OBSL1: variants seen among roughly 807,000 people sequenced by gnomAD.
The protein encoded by OBSL1 is obscurin-like protein 1.
OBSL1 carries 160 observed loss-of-function variants against 172.0 expected under a neutral mutation model. The ratio of observed to expected loss-of-function variants is 0.93; its 90% CI spans 0.82 to 1.06. OBSL1 has a LOEUF of 1.06. Ranked by LOEUF, OBSL1 falls within the 50% of genes least tolerant of loss-of-function variation. The pLI, the probability that OBSL1 is intolerant of heterozygous loss-of-function variation, is 0.00. For synonymous variants in OBSL1, 1,200 were observed against 1,196.3 expected (o/e 1.00, Z -0.06); for missense variants, 2,681 against 2,715.4 (o/e 0.99, Z 0.28).
At chr2:219,564,492 T>C (rs1278100789) in intron 6 of OBSL1, among the ~76,000 whole-genome samples, 2 of 152,224 alleles carry the variant, frequency 1.3e-5, no homozygotes, top group Non-Finnish European at 2.9e-5. Context: ...TGAAAGAGTG[T>C]ATATTGAAAA....
intron 8 of OBSL1, among the ~76,000 whole-genome samples, chr2:219,561,166 C>T (rs140125321): frequency 0.017 from 2,577 of 152,150 alleles, 75 homozygotes; most frequent in African/African-American, 0.058. Context: ...GCAGGGGGGC[C>T]CTAAACAGCT....
At position 219,563,620 on chromosome 2, in the gene OBSL1, G is replaced by T. The variant is rs369506790; in HGVS notation, c.2415C>A (p.Pro805=). The T allele has an allele frequency of 6.2e-7, 1 of 1,610,798 alleles. No individual in the cohort carries two copies. Among genetic ancestry groups the T allele is most frequent in the African/African-American group, 1.3e-5 (1 of 74,678 alleles). Residue 805 remains proline, a synonymous_variant, in exon 7 of 21, where the codon CCC becomes CCA. Coordinates refer to ENST00000404537, the MANE Select transcript of OBSL1 (RefSeq NM_015311.3). ...AFFGVTVQDP[P]VHIVDPREHV... is the part of the protein sequence containing the mutation. ...GTTCTCGGGGGTCCACGATGTGCAC[G>T]GGAGGATCTGGGTGGGAAGCAGAGA...
At chr2:219,551,370 TG>T in intron 20 of OBSL1, 158 bp downstream of exon 20, 1 of 1,386,572 alleles carries the variant, frequency 7.2e-7, no homozygotes, top group Non-Finnish European at 9.5e-7. Context: ...TTTCCAGCCC[TG>T]GGTGTGCTCT....
intron 1 of OBSL1, among the ~76,000 whole-genome samples, chr2:219,569,647 T>C (rs977322348): frequency 3.3e-5 from 5 of 152,198 alleles, no homozygotes; most frequent in Non-Finnish European, 2.9e-5. Flanking sequence ...AGTCTAGCTT[T>C]CCACTGAATC....
rs748851909 is a variant in OBSL1 at position 219,562,484 on chromosome 2, C to A, written c.2871G>T (p.Leu957=). ...QKEDTVRRLV[L]PAVQLEDSGE... The stretch of plus-strand genomic sequence containing the variant: ...CGGAGTCCTCGAGCTGGACAGCGGG[C>A]AGCACCAGGCGGCGGACAGTGTCTT... Residue 957 remains leucine (L), a synonymous_variant, in exon 8 of 21, where the codon CTG becomes CTT. Coordinates refer to ENST00000404537, the MANE Select transcript of OBSL1 (RefSeq NM_015311.3). 10 of 1,613,910 alleles carry A rather than the reference C, an allele frequency of 6.2e-6. No individual in the cohort carries two copies. Among genetic ancestry groups the A allele is most frequent in the African/African-American group, 5.3e-5 (4 of 74,938 alleles).
At position 219,568,150 on chromosome 2, in the gene OBSL1, C is replaced by T. The variant is rs1559155800; in HGVS notation, c.1187G>A (p.Arg396His). 29 of 1,613,804 alleles carry T rather than the reference C, an allele frequency of 1.8e-5. No individual in the cohort carries two copies. Among genetic ancestry groups the T allele is most frequent in the African/African-American group, 2.7e-5 (2 of 75,044 alleles). The change falls in exon 2 of 21, where the codon CGC (arginine) becomes CAC (histidine). Residue 396 changes from arginine (R) to histidine (H), a missense_variant. By Grantham distance (29) the Arg-to-His change is conservative. Transcript: ENST00000404537. The surrounding 1 kb of genome is among the most constrained non-coding windows in gnomAD (Gnocchi z 4.1). ...YEQIEEGTVR[R>H]LIIHRLKADD... ...TGCCTTCAGCCTGTGGATGATGAGGCGCCGGACAGTGCCCTCTTCGATCTG... is the reference window on the plus strand; with the variant it reads ...TGCCTTCAGCCTGTGGATGATGAGGTGCCGGACAGTGCCCTCTTCGATCTG...
In OBSL1 at chr2:219,567,746, G is replaced by T; in HGVS notation, c.1506C>A (p.Ser502=). Residue 502 remains serine, a synonymous_variant, in exon 3 of 21, where the codon TCC becomes TCA. Transcript: ENST00000404537. The part of the protein sequence containing the change: ...AGEVTFSLGN[S]RTTTLLRVKC... ...TTACTCTGAGAAGCGTAGTGGTACGGGAGTTGCCCAGGCTAAAGGTGACCT... is the reference window on the plus strand; with the variant it reads ...TTACTCTGAGAAGCGTAGTGGTACGTGAGTTGCCCAGGCTAAAGGTGACCT... 1 of 1,613,200 alleles carries T rather than the reference G, an allele frequency of 6.2e-7. No homozygotes were observed. Among genetic ancestry groups the T allele is most frequent in the South Asian group, 1.1e-5 (1 of 91,072 alleles).
chr2:219,571,276 GGGGGGGTGCGGA>G lies in OBSL1; in HGVS notation c.-56_-45del. On this transcript the variant is annotated 5_prime_UTR_variant, in exon 1 of 21. Transcript: ENST00000404537. Reference sequence around the variant, plus strand: ...GCAGCGGCGAACGGTGGGGGGGCAGGGGGGGGTGCGGAGGGCGAGCCGAGGCCCGGGGCGGCG... The same window carrying G: ...GCAGCGGCGAACGGTGGGGGGGCAGGGGGCGAGCCGAGGCCCGGGGCGGCG... 2 of 1,084,728 alleles carry G rather than the reference GGGGGGGTGCGGA, an allele frequency of 1.8e-6. No individual in the cohort carries two copies. The highest frequency in any genetic ancestry group is 2.4e-6 in the Non-Finnish European group (2 of 849,864). The allele number at this position is 1,084,728 out of a possible 1,614,324, so 67.2% of individuals were successfully genotyped here.
chr2:219,560,768 A>G (rs1172073658), intron 8 of OBSL1, among the ~76,000 whole-genome samples: 1 of 152,198 alleles, frequency 6.6e-6, no homozygotes, highest in Non-Finnish European at 1.5e-5. Context: ...TGGGGGATGC[A>G]GGCTGGTCCT....
At chr2:219,553,897 T>G (rs1574523942) in intron 15 of OBSL1, among the ~76,000 whole-genome samples, 3 of 144,522 alleles carry the variant, frequency 2.1e-5, no homozygotes, top group African/African-American at 5.2e-5. Context: ...GGGTTAGGAG[T>G]GGCCAACTGG....
At chr2:219,549,284 G>C (rs1447298435), downstream of OBSL1, 2 of 1,613,906 alleles carry the variant, frequency 1.2e-6, no homozygotes, top group Admixed American at 3.3e-5. Context: ...CCCAGGCCTG[G>C]GCCACCAGAC....
At position 219,563,547 on chromosome 2, in the gene OBSL1, CA is replaced by C; in HGVS notation, c.2487del (p.Cys829TrpfsTer90). 1 of 1,613,962 alleles carries C rather than the reference CA, an allele frequency of 6.2e-7. No homozygotes were observed. The highest frequency in any genetic ancestry group is 8.5e-7 in the Non-Finnish European group (1 of 1,179,874). ...ACAGGGGCGTCCTCTCGGTCCACCT[CA>C]CAGGCCAGCATGACACACTCGGAAG... ...AITSECVMLA[C>X]EVDREDAPVR... On this transcript the variant is annotated frameshift_variant, in exon 7 of 21. Transcript: ENST00000404537. LOFTEE classifies it high-confidence loss of function.
intron 14 of OBSL1, 104 bp downstream of exon 14, chr2:219,555,916 C>G: frequency 6.6e-7 from 1 of 1,505,088 alleles, no homozygotes; most frequent in Non-Finnish European, 8.9e-7. Flanking sequence ...TGACTTTTCT[C>G]AGCGATGAGG....
intron 8 of OBSL1, 89 bp from the exon 9 acceptor site, chr2:219,559,586 A>C (rs1329975925): frequency 8.6e-7 from 1 of 1,162,866 alleles, no homozygotes; most frequent in Non-Finnish European, 1.2e-6. Context: ...TATCACCCAC[A>C]TAATAATGAG....
intron 5 of OBSL1, among the ~76,000 whole-genome samples, chr2:219,566,605 G>A (rs1294580921): frequency 6.6e-6 from 1 of 152,192 alleles, no homozygotes; most frequent in African/African-American, 2.4e-5. Context: ...AGAGAATTGG[G>A]ATATGATGCT....
rs763934908 is a variant in OBSL1 at position 219,568,094 on chromosome 2, G to C, written c.1243C>G (p.Arg415Gly). The C allele has an allele frequency of 3.1e-6, 5 of 1,612,354 alleles. No individual in the cohort carries two copies. Among genetic ancestry groups the C allele is most frequent in the South Asian group, 1.1e-5 (1 of 91,066 alleles). Residue 415 changes from arginine (R) to glycine (G), a missense_variant, in exon 2 of 21, where the codon CGG becomes GGG. This residue lies in a region of OBSL1 where 706 missense variants were observed against 695.8 expected (regional missense o/e 1.01). Coordinates refer to ENST00000404537, the MANE Select transcript of OBSL1 (RefSeq NM_015311.3). The surrounding 1 kb of genome is among the most constrained non-coding windows in gnomAD (Gnocchi z 4.1). ...TTGGCCACGGTGCGCACCCGGCCCCGCATCTCGCACAGGTAGATACCATCA... is the reference window on the plus strand; with the variant it reads ...TTGGCCACGGTGCGCACCCGGCCCCCCATCTCGCACAGGTAGATACCATCA... Reference protein sequence around the residue: ...DDDGIYLCEMRGRVRTVANVT... With the variant: ...DDDGIYLCEMGGRVRTVANVT...
At position 219,567,865 on chromosome 2, in the gene OBSL1, G is replaced by C. The variant is rs750434162; in HGVS notation, c.1387C>G (p.Arg463Gly). 6.2e-7 allele frequency: 1 copy of C among 1,613,878 alleles called. No individual in the cohort carries two copies. The highest frequency in any genetic ancestry group is 8.5e-7 in the Non-Finnish European group (1 of 1,179,896). ...LEAGVEGRWSRDGEELPVICQ... is the reference protein window; with the variant it reads ...LEAGVEGRWSGDGEELPVICQ... ...ATGACCGGCAGCTCCTCCCCATCAC[G>C]GCTCCAGCGTCCCTCGACCCCGGCC... Residue 463 changes from arginine to glycine, a missense_variant, in exon 3 of 21, where the codon CGT (arginine) becomes GGT (glycine). By Grantham distance (125) the Arg-to-Gly change is moderately radical. Coordinates refer to ENST00000404537, the MANE Select transcript of OBSL1 (RefSeq NM_015311.3).
chr2:219,552,528 G>A lies in OBSL1; in HGVS notation c.5308+8C>T, dbSNP rs1177135938. Reference sequence around the variant, plus strand: ...GAGGGGCCCGAAAGGGTAACCAGGCGGGCAGACCTTCCTGTCGGATGCGGA... The same window carrying A: ...GAGGGGCCCGAAAGGGTAACCAGGCAGGCAGACCTTCCTGTCGGATGCGGA... On this transcript the variant is annotated splice_region_variant and intron_variant, in intron 18 of 20. Coordinates refer to ENST00000404537, the MANE Select transcript of OBSL1 (RefSeq NM_015311.3). The A allele has an allele frequency of 5.0e-6, 8 of 1,594,104 alleles. No homozygotes were observed. Among genetic ancestry groups the A allele is most frequent in the African/African-American group, 2.7e-5 (2 of 74,674 alleles).
Position 219,556,031 on chromosome 2 carries a change from A to T in OBSL1, c.4598T>A (p.Leu1533His). 1.9e-6 allele frequency: 3 copies of T among 1,613,486 alleles called. No individual in the cohort carries two copies. Among genetic ancestry groups the T allele is most frequent in the Non-Finnish European group, 2.5e-6 (3 of 1,179,872 alleles). Residue 1533 changes from leucine (L) to histidine (H), a missense_variant, in exon 14 of 21, where the codon CTC (leucine) becomes CAC (histidine). By Grantham distance (99) the Leu-to-His change is moderately conservative. This residue lies in a region of OBSL1 where 1,765 missense variants were observed against 1,748.3 expected (regional missense o/e 1.01). Coordinates refer to ENST00000404537, the MANE Select transcript of OBSL1 (RefSeq NM_015311.3). ...ESHHDRTLAR[L>H]SVRPRQLRVL... ...GACGGGGCACTCACGCCTCACGCTG[A>T]GCCTGGCCAGGGTGCGATCGTGGTG...
Sources: allele counts gnomAD v4.1 joint callset (sites outside exome capture counted in the v4.1 genomes callset), GRCh38; gene constraint gnomAD v4.1.1; regional missense constraint gnomAD v4.1.1; non-coding constraint Gnocchi (gnomAD v3.1); transcripts MANE v1.5; gene names NCBI Gene and HGNC (gene_info 2026-07-23, HGNC 2026-07-21).